CDH13: variants seen among roughly 807,000 people sequenced by gnomAD.
CDH13 encodes the protein cadherin-13.
Under a neutral mutation model 63.8 loss-of-function variants are expected in CDH13, and 24 were observed. That is an observed-to-expected ratio of 0.38 (90% CI 0.27 to 0.53). CDH13 has a LOEUF of 0.53. CDH13 is among the 20% of genes least tolerant of loss of function. The probability of loss-of-function intolerance (pLI) is 0.85; values close to 1 mark genes in which losing one functional copy is unlikely to be tolerated. For synonymous variants in CDH13, 503 were observed against 355.3 expected, an observed-to-expected ratio of 1.42 and a Z score of -4.67; for missense variants, 1,049 against 903.1, an observed-to-expected ratio of 1.16 and a Z score of -2.07.
At chr16:82,938,361 G>A (rs2042732265) in intron 2 of CDH13, among the ~76,000 whole-genome samples, 1 of 152,320 alleles carries the variant, frequency 6.6e-6, no homozygotes, top group East Asian at 1.9e-4. Flanking sequence ...TCAGTAAACT[G>A]AGCAGATTAA....
At chr16:83,656,298 C>A (rs1188998241) in intron 8 of CDH13, among the ~76,000 whole-genome samples, 3 of 152,032 alleles carry the variant, frequency 2.0e-5, no homozygotes, top group Non-Finnish European at 4.4e-5. Context: ...GTGCTCTTTG[C>A]CAAGAAAAGG....
At chr16:83,218,412 G>A (rs1390576251) in intron 5 of CDH13, among the ~76,000 whole-genome samples, 1 of 152,140 alleles carries the variant, frequency 6.6e-6, no homozygotes, top group Non-Finnish European at 1.5e-5. Context: ...TGCTGGGGGA[G>A]TCACCTGTCA....
At chr16:82,847,489 C>T (rs9930233) in intron 1 of CDH13, among the ~76,000 whole-genome samples, 38,632 of 152,144 alleles carry the variant, frequency 0.25, 5,753 homozygotes, top group Non-Finnish European at 0.34. Context: ...TATCACTCTG[C>T]CCTCACCTTC....
chr16:82,650,931 G>C lies in CDH13; in HGVS notation c.45+23794G>C, dbSNP rs1175887413. Among the ~76,000 whole-genome samples, 3 of 152,172 alleles carry C rather than the reference G, an allele frequency of 2.0e-5. No individual in the cohort carries two copies. The East Asian group carries it at 5.8e-4, about 29-fold the overall frequency. On this transcript the variant is annotated intron_variant, in intron 1 of 13. Coordinates refer to ENST00000567109, the MANE Select transcript of CDH13 (RefSeq NM_001257.5). ...ATAAACAGGAGAGACAGGTGAAGTTGGGGTTTGAAATTTGCTGGGCTAGAA... is the reference window on the plus strand; with the variant it reads ...ATAAACAGGAGAGACAGGTGAAGTTCGGGTTTGAAATTTGCTGGGCTAGAA...
intron 4 of CDH13, among the ~76,000 whole-genome samples, chr16:83,211,376 A>G (rs910337756): frequency 5.3e-5 from 8 of 152,326 alleles, no homozygotes; most frequent in East Asian, 1.9e-4. Context: ...TTTATAAATG[A>G]ATACACACAT....
At chr16:82,839,043 C>T (rs527992585) in intron 1 of CDH13, among the ~76,000 whole-genome samples, 167 of 152,224 alleles carry the variant, frequency 1.1e-3, no homozygotes, top group Non-Finnish European at 1.7e-3. Context: ...TGGTTGTGTT[C>T]CAATAAAACT....
intron 2 of CDH13, among the ~76,000 whole-genome samples, chr16:82,992,887 G>A (rs1307233735): frequency 6.6e-6 from 1 of 152,154 alleles, no homozygotes; most frequent in Non-Finnish European, 1.5e-5. Flanking sequence ...TGCTGGTTAG[G>A]CATGTCCTTG....
intron 10 of CDH13, among the ~76,000 whole-genome samples, chr16:83,700,816 T>C (rs189209756): frequency 7.9e-5 from 12 of 152,344 alleles, no homozygotes; most frequent in Middle Eastern, 6.8e-3. Flanking sequence ...TAGAGGAATA[T>C]GTTTTGTTTC....
intron 10 of CDH13, among the ~76,000 whole-genome samples, chr16:83,700,258 C>G (rs1229527303): frequency 6.6e-6 from 1 of 152,182 alleles, no homozygotes; most frequent in African/African-American, 2.4e-5. Context: ...ACCTGTGTCA[C>G]CAGTTACACA....
At chr16:83,432,447 G>A (rs998144141) in intron 6 of CDH13, among the ~76,000 whole-genome samples, 1 of 152,190 alleles carries the variant, frequency 6.6e-6, no homozygotes, top group Non-Finnish European at 1.5e-5. Flanking sequence ...GCAAGTGGCA[G>A]AGTGGGGACC....
chr16:83,284,636 A>T (rs1056243787), intron 5 of CDH13, among the ~76,000 whole-genome samples: 1 of 151,886 alleles, frequency 6.6e-6, no homozygotes, highest in Non-Finnish European at 1.5e-5. Context: ...TGCAGAAAAA[A>T]ATGGCAAAGT....
chr16:82,850,311 C>T (rs1338518625), intron 1 of CDH13, among the ~76,000 whole-genome samples: 2 of 152,162 alleles, frequency 1.3e-5, no homozygotes, highest in Non-Finnish European at 2.9e-5. Flanking sequence ...AGGTTCAAGA[C>T]TTCAGTGGAG....
At chr16:83,707,558 C>G (rs1907270470) in intron 10 of CDH13, among the ~76,000 whole-genome samples, 1 of 152,060 alleles carries the variant, frequency 6.6e-6, no homozygotes, top group East Asian at 1.9e-4. Flanking sequence ...CACTTTAAAA[C>G]AAATATTATT....
chr16:83,535,613 G>T (rs1048703865), intron 7 of CDH13, among the ~76,000 whole-genome samples: 3 of 152,186 alleles, frequency 2.0e-5, no homozygotes, highest in African/African-American at 7.2e-5. Context: ...TGGGGAAGGT[G>T]TTATGCATGG....
chr16:83,664,814 T>C (rs986696253), intron 8 of CDH13, among the ~76,000 whole-genome samples: 3 of 152,156 alleles, frequency 2.0e-5, no homozygotes, highest in Non-Finnish European at 4.4e-5. Flanking sequence ...CTTGGATGTA[T>C]GACAGTGAAG....
chr16:82,780,897 A>T (rs2035723760), intron 1 of CDH13, among the ~76,000 whole-genome samples: 1 of 152,222 alleles, frequency 6.6e-6, no homozygotes, highest in Non-Finnish European at 1.5e-5. Context: ...ATTTGACAGT[A>T]GCTGAGTAGT....
intron 1 of CDH13, among the ~76,000 whole-genome samples, chr16:82,804,237 A>C (rs1417233743): frequency 8.5e-6 from 1 of 117,902 alleles, no homozygotes; most frequent in Non-Finnish European, 1.7e-5. Flanking sequence ...AAAAAAAAAA[A>C]TGTGTTTAGA....
chr16:83,233,414 G>C (rs1329307971), intron 5 of CDH13, among the ~76,000 whole-genome samples: 7 of 152,192 alleles, frequency 4.6e-5, no homozygotes. Context: ...GGCTGTATTA[G>C]TTTTCTATTT....
At chr16:82,804,334 G>T (rs1345866108) in intron 1 of CDH13, among the ~76,000 whole-genome samples, 9 of 143,248 alleles carry the variant, frequency 6.3e-5, no homozygotes, top group Admixed American at 4.8e-4. Flanking sequence ...CAAATACAAA[G>T]AAATACAATG....
Sources: allele counts gnomAD v4.1 joint callset (sites outside exome capture counted in the v4.1 genomes callset), GRCh38; gene constraint gnomAD v4.1.1; transcripts MANE v1.5; gene names NCBI Gene and HGNC (gene_info 2026-07-23, HGNC 2026-07-21).